BPIFC: variants seen among roughly 807,000 people sequenced by gnomAD.
The protein encoded by BPIFC is BPI fold containing family C, also known as BPI fold-containing family C protein.
BPIFC carries 60 observed loss-of-function variants against 57.6 expected under a neutral mutation model. The ratio of observed to expected loss-of-function variants is 1.04; its 90% CI spans 0.85 to 1.29. The LOEUF is 1.29. Among genes scored for constraint, BPIFC ranks in the 50% most tolerant of loss-of-function variants. The probability of loss-of-function intolerance (pLI) is 0.00; values close to 1 mark genes in which losing one functional copy is unlikely to be tolerated. For missense variants in BPIFC, 581 were observed against 600.5 expected (o/e 0.97, Z 0.34); for synonymous variants, 243 against 224.5 (o/e 1.08, Z -0.74).
intron 3 of BPIFC, 51 bp from the exon 4 acceptor site, chr22:32,453,554 G>C: frequency 6.5e-7 from 1 of 1,530,314 alleles, no homozygotes; most frequent in Non-Finnish European, 8.7e-7. Flanking sequence ...GATAATAATA[G>C]CATAATAACA....
chr22:32,442,873 T>C (rs1934603851), intron 7 of BPIFC, 142 bp from the exon 8 acceptor site: 2 of 782,886 alleles, frequency 2.6e-6, no homozygotes, highest in Non-Finnish European at 4.1e-6. Flanking sequence ...CTCTTAAATT[T>C]GTTGATGTCT....
rs147977082 is a variant in BPIFC, at chr22:32,459,231, C to T, written c.1-1845G>A. Among the ~76,000 whole-genome samples, 955 of 152,224 alleles carry T rather than the reference C, an allele frequency of 6.3e-3. 7 individuals are homozygous for T. The highest frequency in any genetic ancestry group is 0.022 in the African/African-American group (902 of 41,526). On this transcript the variant is annotated intron_variant, in intron 2 of 16. Coordinates refer to ENST00000300399, the MANE Select transcript of BPIFC (RefSeq NM_174932.3). ...AGGAAGGTGACCTTGTGGATGTGGT[C>T]AGAGAGGAAGAAGTAAGCCAGGTGT... is the stretch of plus-strand genomic sequence containing the variant.
chr22:32,447,157 C>T (rs942813313), intron 5 of BPIFC, 55 bp downstream of exon 5: 15 of 1,429,766 alleles, frequency 1.0e-5, no homozygotes, highest in East Asian at 5.1e-5. Flanking sequence ...CTACATTTTC[C>T]GTTTTTGCTC....
chr22:32,441,558 AC>A (rs1257218837), intron 8 of BPIFC, among the ~76,000 whole-genome samples: 13 of 152,172 alleles, frequency 8.5e-5, no homozygotes, highest in African/African-American at 2.7e-4. Context: ...TCATGTGAGC[AC>A]AGAGGAGGCA....
intron 8 of BPIFC, among the ~76,000 whole-genome samples, chr22:32,440,549 T>TCAACAGGAAATTATAATA (rs1379135873): frequency 1.3e-5 from 2 of 152,150 alleles, no homozygotes; most frequent in Non-Finnish European, 2.9e-5. Context: ...GACAGATATA[T>TCAACAGGAAATTATAATA]CAACAGGAAA....
intron 10 of BPIFC, among the ~76,000 whole-genome samples, chr22:32,434,231 CTTTA>C (rs10547783): frequency 0.31 from 45,656 of 147,430 alleles, 7,472 homozygotes; most frequent in African/African-American, 0.44. Context: ...TGTACATATT[CTTTA>C]TTTATATATA....
At chr22:32,432,273 AT>A (rs1934267219) in intron 12 of BPIFC, 99 bp downstream of exon 12, 1 of 1,290,380 alleles carries the variant, frequency 7.7e-7, no homozygotes, top group East Asian at 2.3e-5. Context: ...TCAATGTAGC[AT>A]CCCCACCCTC....
rs1933592965 is a variant in BPIFC, at chr22:32,413,873, A to G, written c.*430T>C. On this transcript the variant is annotated 3_prime_UTR_variant, in exon 17 of 17. Coordinates refer to ENST00000300399, the MANE Select transcript of BPIFC (RefSeq NM_174932.3). ...AAGTTGATAGAAAACAATTTTAATT[A>G]AACACAGAAGATAGTAACAGTGAAT... 1.3e-5 allele frequency: 2 copies of G among 152,414 alleles called. No individual in the cohort carries two copies. Among genetic ancestry groups the G allele is most frequent in the African/African-American group, 2.4e-5 (1 of 41,484 alleles). The allele number at this position is 152,414 out of a possible 1,614,324, so 9.4% of individuals were successfully genotyped here. A position where few individuals can be genotyped will look rare whatever the true frequency, so the allele number is the denominator to read the frequency against.
intron 13 of BPIFC, among the ~76,000 whole-genome samples, chr22:32,423,141 C>A (rs2145915283): frequency 6.6e-6 from 1 of 152,240 alleles, no homozygotes. Flanking sequence ...GAAGTAGGAC[C>A]AGTGGATGAA....
Position 32,445,523 on chromosome 22 carries a change from C to T in BPIFC, c.594+112G>A, listed in dbSNP as rs371938778. 3,422 of 1,149,386 alleles carry T rather than the reference C, an allele frequency of 3.0e-3. 57 individuals are homozygous for T. The highest frequency in any genetic ancestry group is 0.029 in the South Asian group (2,261 of 77,178). The allele number at this position is 1,149,386 out of a possible 1,614,324, so 71.2% of individuals were successfully genotyped here. ...CTGCACTCCAGCCTGGGCGACAGAG[C>T]GAGACTCTGTCTCAAAAAAACAAAC... On this transcript the variant is annotated intron_variant, in intron 7 of 16. Coordinates refer to ENST00000300399, the MANE Select transcript of BPIFC (RefSeq NM_174932.3).
chr22:32,422,442 C>A (rs1933874365), intron 13 of BPIFC, among the ~76,000 whole-genome samples: 1 of 152,126 alleles, frequency 6.6e-6, no homozygotes, highest in Non-Finnish European at 1.5e-5. Context: ...CGCGGTGGCT[C>A]ACACCTGTAA....
chr22:32,463,081 G>A (rs1935198456), intron 1 of BPIFC, among the ~76,000 whole-genome samples: 1 of 152,128 alleles, frequency 6.6e-6, no homozygotes, highest in South Asian at 2.1e-4. Flanking sequence ...TGGAGATCCA[G>A]GAATCCAAAA....
chr22:32,421,840 A>G (rs1044023271), intron 13 of BPIFC, among the ~76,000 whole-genome samples: 1 of 152,238 alleles, frequency 6.6e-6, no homozygotes. Flanking sequence ...GCTCTTAAGG[A>G]AAGAAACAAT....
intron 1 of BPIFC, among the ~76,000 whole-genome samples, chr22:32,463,007 T>A (rs188464916): frequency 6.6e-6 from 1 of 152,238 alleles, no homozygotes; most frequent in Non-Finnish European, 1.5e-5. Flanking sequence ...TTAAATTCCC[T>A]GCCAGCAGTA....
intron 13 of BPIFC, among the ~76,000 whole-genome samples, chr22:32,424,720 T>TTCTTCC (rs1933993066): frequency 1.1e-5 from 1 of 94,518 alleles, no homozygotes; most frequent in African/African-American, 6.1e-5. Context: ...CTTCTTCCTC[T>TTCTTCC]TCTTCTTCCT....
chr22:32,450,290 G>A (rs1410496948), intron 4 of BPIFC, among the ~76,000 whole-genome samples: 1 of 152,100 alleles, frequency 6.6e-6, no homozygotes, highest in African/African-American at 2.4e-5. Context: ...ATGTTTTACA[G>A]GTTTGTAGCC....
In BPIFC at chr22:32,434,710, G is replaced by A. The variant is rs958293796; in HGVS notation, c.925-938C>T. 8.0e-4 allele frequency among the ~76,000 whole-genome samples: 122 copies of A among 152,286 alleles called. 2 individuals are homozygous for A. The highest frequency in any genetic ancestry group is 2.9e-3 in the African/African-American group (120 of 41,564). On this transcript the variant is annotated intron_variant, in intron 10 of 16. Coordinates refer to ENST00000300399, the MANE Select transcript of BPIFC (RefSeq NM_174932.3). The stretch of plus-strand genomic sequence containing the variant: ...ATGATTTTGAAGTCTGCAGCTAGAA[G>A]TGTCTAATTCTCAGTATCGTAAGAT...
At position 32,446,011 on chromosome 22, in the gene BPIFC, G is replaced by C; in HGVS notation, c.375-15C>G. The stretch of plus-strand genomic sequence containing the variant: ...CTGTGTCTTGGCTGTTTAAAGAAGT[G>C]CAAGGTTATCCAAGCCTGAGTCAGG... On this transcript the variant is annotated splice_polypyrimidine_tract_variant and intron_variant, in intron 5 of 16. Coordinates refer to ENST00000300399, the MANE Select transcript of BPIFC (RefSeq NM_174932.3). 6.2e-7 allele frequency: 1 copy of C among 1,613,060 alleles called. No homozygotes were observed. The highest frequency in any genetic ancestry group is 8.5e-7 in the Non-Finnish European group (1 of 1,179,336).
chr22:32,445,423 G>T (rs1488979295), intron 7 of BPIFC, among the ~76,000 whole-genome samples: 1 of 152,106 alleles, frequency 6.6e-6, no homozygotes, highest in Non-Finnish European at 1.5e-5. Context: ...TGTAGTCCCA[G>T]CTACTTGGGA....
Sources: gnomAD v4.1 joint callset for allele counts (sites outside exome capture counted in the v4.1 genomes callset) on GRCh38, gnomAD v4.1.1 for gene constraint, MANE v1.5 for transcripts, NCBI Gene and HGNC (gene_info 2026-07-23, HGNC 2026-07-21) for gene names.